EPS15: variants seen among roughly 807,000 people sequenced by gnomAD.
The protein encoded by EPS15 is epidermal growth factor receptor substrate 15.
In EPS15, 72 loss-of-function variants were observed where a neutral mutation model predicts 113.8. The ratio of observed to expected loss-of-function variants is 0.63; its 90% CI spans 0.52 to 0.77. The LOEUF is 0.77. Ranked by LOEUF, EPS15 falls within the 30% of genes least tolerant of loss-of-function variation. The pLI, the probability that EPS15 is intolerant of heterozygous loss-of-function variation, is 0.00. For missense variants in EPS15, 1,048 were observed against 1,045.8 expected (o/e 1.00, Z -0.03); for synonymous variants, 344 against 363.4 (o/e 0.95, Z 0.61).
intron 1 of EPS15, among the ~76,000 whole-genome samples, chr1:51,503,583 A>G (rs899003067): frequency 3.3e-5 from 5 of 152,204 alleles, no homozygotes; most frequent in African/African-American, 4.8e-5. Context: ...CAGAGGTTGC[A>G]ATGAGCCGAG....
intron 13 of EPS15, among the ~76,000 whole-genome samples, chr1:51,411,604 T>C (rs1245201560): frequency 6.6e-6 from 1 of 152,248 alleles, no homozygotes; most frequent in Admixed American, 6.5e-5. Context: ...AATATGCTTA[T>C]GCCCCTTCTA....
At chr1:51,409,495 A>C (rs1020299435) in intron 14 of EPS15, 40 bp downstream of exon 14, 4 of 1,553,582 alleles carry the variant, frequency 2.6e-6, no homozygotes, top group Admixed American at 2.1e-5. Flanking sequence ...AAAAGCAACT[A>C]ATGTATAGGT....
chr1:51,476,690 T>C (rs1373990146), intron 2 of EPS15, among the ~76,000 whole-genome samples: 2 of 152,142 alleles, frequency 1.3e-5, no homozygotes, highest in Admixed American at 6.6e-5. Flanking sequence ...TTTGTGTCTC[T>C]ATTTTCTTCA....
chr1:51,515,802 C>CT (rs1484177321), intron 1 of EPS15, among the ~76,000 whole-genome samples: 1 of 152,152 alleles, frequency 6.6e-6, no homozygotes, highest in Non-Finnish European at 1.5e-5. Flanking sequence ...AGTGAAATAG[C>CT]TTTTGAAGTC....
chr1:51,494,170 T>C (rs1644289670), intron 1 of EPS15, among the ~76,000 whole-genome samples: 1 of 152,222 alleles, frequency 6.6e-6, no homozygotes, highest in South Asian at 2.1e-4. Context: ...ACATATATTA[T>C]GTCCCAGTCA....
At chr1:51,423,757 A>G (rs1333431194) in intron 12 of EPS15, 2 of 984,152 alleles carry the variant, frequency 2.0e-6, no homozygotes, top group Non-Finnish European at 2.4e-6. Flanking sequence ...CAGTGAGCTG[A>G]CTCAAAGTAG....
chr1:51,432,522 G>A (rs1651821786), intron 12 of EPS15, among the ~76,000 whole-genome samples: 1 of 151,724 alleles, frequency 6.6e-6, no homozygotes, highest in Admixed American at 6.6e-5. Flanking sequence ...AAAGAAATGA[G>A]TGAAATTTAT....
chr1:51,356,582 C>A lies in EPS15; in HGVS notation c.*118G>T. 36 of 760,298 alleles carry A rather than the reference C, an allele frequency of 4.7e-5. No individual in the cohort carries two copies. The highest frequency in any genetic ancestry group is 3.1e-4 in the South Asian group (11 of 36,010). The allele number at this position is 760,298 out of a possible 1,614,324, so 47.1% of individuals were successfully genotyped here. A position where few individuals can be genotyped will look rare whatever the true frequency, so the allele number is the denominator to read the frequency against. ...AAATCCTAAAATTTTGTCACATTTA[C>A]AGGAATCTCAAACCTTTTGTATTCC... On this transcript the variant is annotated 3_prime_UTR_variant, in exon 25 of 25. Transcript: ENST00000371733.
At chr1:51,357,884 C>G (rs1213562751) in intron 24 of EPS15, among the ~76,000 whole-genome samples, 1 of 151,910 alleles carries the variant, frequency 6.6e-6, no homozygotes, top group Non-Finnish European at 1.5e-5. Flanking sequence ...GAATTACAAG[C>G]ATGCACCACC....
intron 1 of EPS15, among the ~76,000 whole-genome samples, chr1:51,504,807 A>G (rs1644470142): frequency 6.6e-6 from 1 of 152,200 alleles, no homozygotes; most frequent in Middle Eastern, 3.2e-3. Flanking sequence ...TGGTACAAAT[A>G]TAAATGGTGC....
intron 8 of EPS15, chr1:51,458,634 G>A (rs1286120322): frequency 2.4e-6 from 1 of 411,992 alleles, no homozygotes. Flanking sequence ...CTCCTCAGGA[G>A]GCTGAGGTGG....
intron 21 of EPS15, chr1:51,373,144 A>C (rs894249896): frequency 6.1e-6 from 1 of 164,728 alleles, no homozygotes; most frequent in African/African-American, 2.4e-5. Context: ...AGGGAGCAAA[A>C]AGGATAGAAA....
At chr1:51,470,501 G>C (rs925399176) in intron 4 of EPS15, among the ~76,000 whole-genome samples, 1 of 151,898 alleles carries the variant, frequency 6.6e-6, no homozygotes, top group African/African-American at 2.4e-5. Context: ...AAAAAAACTA[G>C]CCAGGTGCGG....
chr1:51,357,428 T>TATATA (rs1557761744), intron 24 of EPS15, among the ~76,000 whole-genome samples: 71 of 65,576 alleles, frequency 1.1e-3, no homozygotes, highest in South Asian at 1.7e-3. Flanking sequence ...ATATATATAT[T>TATATA]TTTTTTTTTT....
intron 10 of EPS15, among the ~76,000 whole-genome samples, chr1:51,446,196 T>C (rs1475757605): frequency 2.0e-5 from 3 of 152,196 alleles, no homozygotes; most frequent in Non-Finnish European, 4.4e-5. Flanking sequence ...CATTTTCATA[T>C]ACATTATCTC....
rs1440683906 is a variant in EPS15 at position 51,402,473 on chromosome 1, G to A, written c.1844C>T (p.Thr615Ile). 6.3e-7 allele frequency: 1 copy of A among 1,591,028 alleles called. No individual in the cohort carries two copies. Among genetic ancestry groups the A allele is most frequent in the Admixed American group, 1.7e-5 (1 of 58,990 alleles). Residue 615 changes from threonine to isoleucine, a missense_variant, in exon 18 of 25, where the codon ACA (threonine) becomes ATA (isoleucine). Physicochemically the swap from Thr to Ile is moderately conservative, Grantham distance 89 (BLOSUM62 -1). Transcript: ENST00000371733. ...ATCAGACTGGAAAAAATCCAAGTTT[G>A]TATCTGCAACTGGACCTGTCAGCGA... ...SSSLTGPVAD[T>I]NLDFFQSDPF...
intron 21 of EPS15, chr1:51,372,337 G>A (rs878886625): frequency 8.1e-5 from 43 of 533,176 alleles, no homozygotes; most frequent in Non-Finnish European, 1.3e-4. Context: ...CATTTCAACC[G>A]AATCAGCAAG....
At position 51,357,414 on chromosome 1, in the gene EPS15, ATATATATATATATTT is replaced by A. The variant is rs1415100630; in HGVS notation, c.2545-583_2545-569del. Reference sequence around the variant, plus strand: ...AAAATATATATATATATATATATATATATATATATATATTTTTTTTTTTTAAATGTGATATATATA... The same window carrying A: ...AAAATATATATATATATATATATATATTTTTTTTTAAATGTGATATATATA... On this transcript the variant is annotated intron_variant, in intron 24 of 24. Transcript: ENST00000371733. Among the ~76,000 whole-genome samples the A allele has an allele frequency of 4.9e-3, 306 of 62,608 alleles. 1 individual carries two copies. Among genetic ancestry groups the A allele is most frequent in the Middle Eastern group, 0.013 (2 of 158 alleles). 41.1% of individuals were successfully genotyped at this position (62,608 alleles called of 152,430 possible). A position where few individuals can be genotyped will look rare whatever the true frequency, so the allele number is the denominator to read the frequency against.
At chr1:51,421,688 G>T (rs1324114552) in intron 13 of EPS15, 98 bp downstream of exon 13, 1 of 605,464 alleles carries the variant, frequency 1.7e-6, no homozygotes, top group Non-Finnish European at 2.7e-6. Flanking sequence ...GCATTCTCTT[G>T]ACCTAATACT....
Sources: allele counts gnomAD v4.1 joint callset (sites outside exome capture counted in the v4.1 genomes callset), GRCh38; gene constraint gnomAD v4.1.1; transcripts MANE v1.5; gene names NCBI Gene and HGNC (gene_info 2026-07-23, HGNC 2026-07-21).